Variants in IL1RAPL2 observed in about 807,000 individuals in gnomAD.
IL1RAPL2 encodes the protein X-linked interleukin-1 receptor accessory protein-like 2.
Under a neutral mutation model 44.1 loss-of-function variants are expected in IL1RAPL2, and 3 were observed. The ratio of observed to expected loss-of-function variants is 0.07; its 90% CI spans 0.03 to 0.18. The LOEUF (loss-of-function observed/expected upper bound fraction) is 0.18. IL1RAPL2 is among the 10% of genes least tolerant of loss of function. IL1RAPL2 has a pLI of 1.00. For synonymous variants in IL1RAPL2, 181 were observed against 178.8 expected (o/e 1.01, Z -0.10); for missense variants, 391 against 496.4 (o/e 0.79, Z 2.02).
At chrX:104,674,582 G>T (rs1330381308) in intron 2 of IL1RAPL2, among the ~76,000 whole-genome samples, 1 of 111,178 alleles carries the variant, frequency 9.0e-6, no homozygotes, top group East Asian at 2.8e-4. Flanking sequence ...TCTCTGCCTG[G>T]CTTTGGTATC....
chrX:104,603,220 G>T (rs763428929), intron 1 of IL1RAPL2, among the ~76,000 whole-genome samples: 1 of 111,574 alleles, frequency 9.0e-6, no homozygotes, highest in Non-Finnish European at 1.9e-5. Flanking sequence ...AACTCCAGCA[G>T]ACCGGCAGCA....
At chrX:104,918,507 A>G (rs1452286769) in intron 2 of IL1RAPL2, among the ~76,000 whole-genome samples, 1 of 112,163 alleles carries the variant, frequency 8.9e-6, no homozygotes, top group Non-Finnish European at 1.9e-5. Flanking sequence ...TATTTAATAC[A>G]TTTATTTAAC....
At chrX:104,908,493 G>C (rs1310090886) in intron 2 of IL1RAPL2, among the ~76,000 whole-genome samples, 1 of 111,126 alleles carries the variant, frequency 9.0e-6, no homozygotes, top group Non-Finnish European at 1.9e-5. Context: ...TTTTAGGGCA[G>C]GCCTGGTGGT....
Position 105,167,931 on chromosome X carries a change from G to A in IL1RAPL2, c.83-27544G>A, listed in dbSNP as rs758972574. The stretch of plus-strand genomic sequence containing the variant: ...CTATTATAATTCCCCTTGTATAGGT[G>A]GGGAACCTGAAGCACAGAGAGGTTA... On this transcript the variant is annotated intron_variant, in intron 2 of 10. Transcript: ENST00000372582. 1.3e-3 allele frequency among the ~76,000 whole-genome samples: 145 copies of A among 111,411 alleles called. 6 individuals are homozygous for A. The highest frequency in any genetic ancestry group is 1.1e-3 in the Non-Finnish European group (59 of 53,105).
chrX:105,132,182 A>G (rs1161421034), intron 2 of IL1RAPL2, among the ~76,000 whole-genome samples: 1 of 110,570 alleles, frequency 9.0e-6, no homozygotes, highest in Admixed American at 9.7e-5. Context: ...AAAGAAAAAG[A>G]AAATGTCATA....
intron 2 of IL1RAPL2, among the ~76,000 whole-genome samples, chrX:104,921,827 A>C (rs1200775291): frequency 1.8e-5 from 2 of 111,887 alleles, no homozygotes; most frequent in East Asian, 5.7e-4. Flanking sequence ...GCTTGGGACT[A>C]GTCTAGTCAG....
chrX:105,104,978 G>C (rs1017884554), intron 2 of IL1RAPL2, among the ~76,000 whole-genome samples: 4 of 111,640 alleles, frequency 3.6e-5, no homozygotes, highest in Non-Finnish European at 5.7e-5. Context: ...CAAGTACATT[G>C]AAAGCCCCCT....
intron 5 of IL1RAPL2, among the ~76,000 whole-genome samples, chrX:105,326,386 G>A (rs935169685): frequency 2.7e-5 from 3 of 110,388 alleles, no homozygotes; most frequent in Non-Finnish European, 5.7e-5. Context: ...GGTAACTTTC[G>A]AAGCACAACA....
chrX:104,966,266 T>C (rs1802193776), intron 2 of IL1RAPL2, among the ~76,000 whole-genome samples: 1 of 111,542 alleles, frequency 9.0e-6, no homozygotes, highest in Non-Finnish European at 1.9e-5. Flanking sequence ...ATCACAGTAA[T>C]ATAAATGGAC....
At chrX:104,830,266 A>G (rs962318151) in intron 2 of IL1RAPL2, among the ~76,000 whole-genome samples, 2 of 111,075 alleles carry the variant, frequency 1.8e-5, no homozygotes, top group African/African-American at 6.6e-5. Context: ...TGAATCTTAG[A>G]CCTGAAGGTA....
At chrX:105,383,046 C>T (rs1010481826) in intron 5 of IL1RAPL2, among the ~76,000 whole-genome samples, 14 of 107,702 alleles carry the variant, frequency 1.3e-4, no homozygotes, top group African/African-American at 3.4e-4. Flanking sequence ...GTGCAGCACA[C>T]GAACATGGCA....
intron 2 of IL1RAPL2, among the ~76,000 whole-genome samples, chrX:104,829,705 T>C (rs1024988179): frequency 4.4e-5 from 5 of 112,649 alleles, no homozygotes; most frequent in African/African-American, 1.6e-4. Context: ...GACGTTTTAA[T>C]GTATAGCATT....
At chrX:104,744,403 C>T (rs1932140200) in intron 2 of IL1RAPL2, among the ~76,000 whole-genome samples, 1 of 111,401 alleles carries the variant, frequency 9.0e-6, no homozygotes, top group East Asian at 2.8e-4. Context: ...GCAATACAGG[C>T]AGCACTGTAC....
rs2037195043 is a variant in IL1RAPL2, at chrX:105,594,566, G to C, written c.772+110179G>C. Reference sequence around the variant, plus strand: ...GTATTATTATTCTTATTTTTTTAATGGTGTGAACTATTCCTTGTAGTTTAT... The same window carrying C: ...GTATTATTATTCTTATTTTTTTAATCGTGTGAACTATTCCTTGTAGTTTAT... On this transcript the variant is annotated intron_variant, in intron 6 of 10. Coordinates refer to ENST00000372582, the MANE Select transcript of IL1RAPL2 (RefSeq NM_017416.2). 6.3e-5 allele frequency among the ~76,000 whole-genome samples: 7 copies of C among 110,643 alleles called. No homozygotes were observed. The Admixed American group carries it at 6.8e-4, about 11-fold the overall frequency.
intron 2 of IL1RAPL2, among the ~76,000 whole-genome samples, chrX:105,022,256 G>A (rs1360405355): frequency 9.0e-6 from 1 of 111,074 alleles, no homozygotes; most frequent in Non-Finnish European, 1.9e-5. Flanking sequence ...AAGCTAGGCA[G>A]CCTAGCACTT....
chrX:104,889,768 A>C (rs1385767357), intron 2 of IL1RAPL2, among the ~76,000 whole-genome samples: 1 of 107,912 alleles, frequency 9.3e-6, no homozygotes, highest in Non-Finnish European at 1.9e-5. Flanking sequence ...TGCAATAAAT[A>C]ATGAAATCTA....
At chrX:104,862,615 G>C (rs1273189239) in intron 2 of IL1RAPL2, among the ~76,000 whole-genome samples, 3 of 111,403 alleles carry the variant, frequency 2.7e-5, no homozygotes, top group African/African-American at 9.8e-5. Flanking sequence ...CCAGAGCTAT[G>C]AGAAAATAAT....
chrX:105,531,545 A>G (rs2147793202), intron 6 of IL1RAPL2, among the ~76,000 whole-genome samples: 1 of 111,142 alleles, frequency 9.0e-6, no homozygotes, highest in Non-Finnish European at 1.9e-5. Context: ...GGCCATGCAG[A>G]AGCTTTTTAA....
intron 2 of IL1RAPL2, among the ~76,000 whole-genome samples, chrX:104,774,411 T>C (rs1932686721): frequency 1.8e-5 from 2 of 111,799 alleles, no homozygotes; most frequent in Admixed American, 1.9e-4. Flanking sequence ...TAGGGATTTA[T>C]AGTGGAAGAA....
Sources: allele counts gnomAD v4.1 joint callset (sites outside exome capture counted in the v4.1 genomes callset), GRCh38; gene constraint gnomAD v4.1.1; transcripts MANE v1.5; gene names NCBI Gene and HGNC (gene_info 2026-07-23, HGNC 2026-07-21).